HIP1: variants seen among roughly 807,000 people sequenced by gnomAD.
The protein encoded by HIP1 is huntingtin interacting protein 1.
A neutral mutation model predicts 147.6 loss-of-function variants in HIP1; 65 were observed. The observed-to-expected ratio is 0.44, with a 90% confidence interval of 0.36 to 0.54. The LOEUF is 0.54. Among genes scored for constraint, HIP1 ranks in the 20% least tolerant of loss-of-function variants. The pLI is 0.00. For missense variants in HIP1, 1,061 were observed against 1,299.6 expected (o/e 0.82, Z 2.82); for synonymous variants, 479 against 504.0 (o/e 0.95, Z 0.67).
chr7:75,584,789 C>CTTTCCT (rs1796191529), intron 5 of HIP1, among the ~76,000 whole-genome samples: 1 of 152,058 alleles, frequency 6.6e-6, no homozygotes, highest in Non-Finnish European at 1.5e-5. Context: ...ACCCTCCTTT[C>CTTTCCT]TTTCCTTTTC....
At chr7:75,557,480 G>A (rs910223103) in intron 16 of HIP1, among the ~76,000 whole-genome samples, 174 bp downstream of exon 16, 1 of 151,958 alleles carries the variant, frequency 6.6e-6, no homozygotes, top group Non-Finnish European at 1.5e-5. Flanking sequence ...CCATTACTTC[G>A]TGTATGCACT....
chr7:75,599,056 C>G, intron 2 of HIP1, 128 bp downstream of exon 2: 1 of 685,710 alleles, frequency 1.5e-6, no homozygotes, highest in Non-Finnish European at 2.6e-6. Context: ...TCATCAGAAG[C>G]TGCAGGGACC....
intron 24 of HIP1, 35 bp from the exon 25 acceptor site, chr7:75,547,067 C>A (rs1794594829): frequency 1.8e-5 from 26 of 1,470,562 alleles, no homozygotes; most frequent in South Asian, 3.6e-5. Context: ...ACACTGAGAT[C>A]AAGATCCAAG....
chr7:75,655,300 C>G (rs749917898), intron 1 of HIP1, among the ~76,000 whole-genome samples: 1 of 151,632 alleles, frequency 6.6e-6, no homozygotes, highest in East Asian at 2.0e-4. Context: ...AGACACAGGC[C>G]GGGCACGGTG....
chr7:75,706,483 A>T (rs13232985), intron 1 of HIP1, among the ~76,000 whole-genome samples: 1,252 of 78,850 alleles, frequency 0.016, 21 homozygotes, highest in African/African-American at 0.029. Flanking sequence ...CTTTTTTTTT[A>T]TTTTTTTTTT....
rs116476692 is a variant in HIP1, at chr7:75,682,238, G to A, written c.120+56563C>T. ...CCCAAAGTGCTGGGATTTCAGGCAT[G>A]AGTCACCCCCACCAGCCTATCATCA... On this transcript the variant is annotated intron_variant, in intron 1 of 30. Transcript: ENST00000336926. Among the ~76,000 whole-genome samples the A allele has an allele frequency of 1.0e-3, 157 of 151,408 alleles. 1 individual carries two copies. The highest frequency in any genetic ancestry group is 3.6e-3 in the African/African-American group (150 of 41,182).
chr7:75,561,369 ATC>A lies in HIP1; in HGVS notation c.1149_1150del (p.Glu383AspfsTer14). Reference sequence around the variant, plus strand: ...TTCTAGCTGTGCCTTCAATCCACTGATCTCTCTGTATAGTCGCTCAATTAAGT... The same window carrying A: ...TTCTAGCTGTGCCTTCAATCCACTGATCTCTGTATAGTCGCTCAATTAAGT... On this transcript the variant is annotated frameshift_variant, in exon 13 of 31. Transcript: ENST00000336926. LOFTEE classifies it high-confidence loss of function. 6.2e-7 allele frequency: 1 copy of A among 1,613,370 alleles called. No individual in the cohort carries two copies. The highest frequency in any genetic ancestry group is 8.5e-7 in the Non-Finnish European group (1 of 1,179,304).
At chr7:75,611,447 A>T (rs1407263873) in intron 1 of HIP1, among the ~76,000 whole-genome samples, 2 of 145,268 alleles carry the variant, frequency 1.4e-5, no homozygotes, top group Admixed American at 1.4e-4. Flanking sequence ...AGCCTGGGTG[A>T]CAGAGTGAGA....
At chr7:75,696,957 C>T (rs148781008) in intron 1 of HIP1, among the ~76,000 whole-genome samples, 2 of 151,800 alleles carry the variant, frequency 1.3e-5, no homozygotes, top group Admixed American at 6.6e-5. Context: ...GTCCTCCCCC[C>T]ATCCCAAAAT....
chr7:75,535,869 G>A lies in HIP1; in HGVS notation c.*2303C>T, dbSNP rs587740408. ...TGGGATTACGGGCACCCGTCACTAC[G>A]CTCGGCTAATTTTTGGTATTTTTAG... On this transcript the variant is annotated 3_prime_UTR_variant, in exon 31 of 31. Transcript: ENST00000336926. 4.1e-5 allele frequency: 7 copies of A among 171,756 alleles called. No homozygotes were observed. Among genetic ancestry groups the A allele is most frequent in the African/African-American group, 1.4e-4 (6 of 42,084 alleles). 10.6% of individuals were successfully genotyped at this position (171,756 alleles called of 1,614,324 possible).
intron 16 of HIP1, among the ~76,000 whole-genome samples, chr7:75,557,180 G>A (rs943202204): frequency 2.0e-5 from 3 of 151,894 alleles, no homozygotes; most frequent in Non-Finnish European, 4.4e-5. Flanking sequence ...CTGGGACTAC[G>A]GGCACACGCC....
rs587687667 is a variant in HIP1, at chr7:75,602,087, G to A, written c.121-2840C>T. Among the ~76,000 whole-genome samples, 27 of 149,840 alleles carry A rather than the reference G, an allele frequency of 1.8e-4. No homozygotes were observed. The East Asian group carries it at 5.2e-3, about 29-fold the overall frequency. On this transcript the variant is annotated intron_variant, in intron 1 of 30. Coordinates refer to ENST00000336926, the MANE Select transcript of HIP1 (RefSeq NM_005338.7). ...ATGATCTCAGCTCACTGCAAACTCC[G>A]CCTCCTGGGTTCAAGCGATTCTCCT...
intron 2 of HIP1, among the ~76,000 whole-genome samples, chr7:75,595,251 T>TCTTTCTTCCTTCCTTC (rs1491144475): frequency 3.0e-4 from 18 of 59,524 alleles, no homozygotes; most frequent in South Asian, 6.2e-4. Context: ...TTTCTTTCTT[T>TCTTTCTTCCTTCCTTC]CTTCCTTCCT....
chr7:75,553,328 T>C (rs1794858507), intron 22 of HIP1, 125 bp downstream of exon 22: 2 of 1,248,376 alleles, frequency 1.6e-6, no homozygotes, highest in African/African-American at 1.5e-5. Flanking sequence ...TTTAACAATC[T>C]CTTTCTAGAA....
intron 1 of HIP1, among the ~76,000 whole-genome samples, chr7:75,638,390 G>T (rs1351165965): frequency 6.6e-6 from 1 of 151,916 alleles, no homozygotes; most frequent in Non-Finnish European, 1.5e-5. Flanking sequence ...GTGGAGGTGG[G>T]GGTGGAGGGC....
At chr7:75,674,863 C>A (rs1335075181) in intron 1 of HIP1, among the ~76,000 whole-genome samples, 2 of 151,602 alleles carry the variant, frequency 1.3e-5, no homozygotes, top group South Asian at 4.2e-4. Flanking sequence ...AGTCACTTCT[C>A]GCTGCTTCCT....
intron 1 of HIP1, among the ~76,000 whole-genome samples, chr7:75,719,430 G>T (rs762518131): frequency 1.8e-4 from 28 of 151,406 alleles, no homozygotes; most frequent in Non-Finnish European, 3.1e-4. Flanking sequence ...CGGGAACCCG[G>T]AAGGTGGAGT....
chr7:75,677,101 A>G (rs937052972), intron 1 of HIP1, among the ~76,000 whole-genome samples: 1 of 151,632 alleles, frequency 6.6e-6, no homozygotes, highest in Non-Finnish European at 1.5e-5. Flanking sequence ...AGGCTGAGGC[A>G]GGAGAATCGC....
intron 4 of HIP1, among the ~76,000 whole-genome samples, chr7:75,591,087 C>T (rs1411782862): frequency 6.6e-6 from 1 of 150,760 alleles, no homozygotes; most frequent in Admixed American, 6.6e-5. Context: ...GGCTGGAGTG[C>T]AGTGGCCCAA....
Sources: gnomAD v4.1 joint callset for allele counts (sites outside exome capture counted in the v4.1 genomes callset) on GRCh38, gnomAD v4.1.1 for gene constraint, MANE v1.5 for transcripts, NCBI Gene and HGNC (gene_info 2026-07-23, HGNC 2026-07-21) for gene names.